Variants in WDR44 observed in about 807,000 individuals in gnomAD.
WDR44 encodes WD repeat domain 44.
A neutral mutation model predicts 65.7 loss-of-function variants in WDR44; 9 were observed. The ratio of observed to expected loss-of-function variants is 0.14; its 90% CI spans 0.08 to 0.24. WDR44 has a LOEUF of 0.24. Among genes scored for constraint, WDR44 ranks in the 10% least tolerant of loss-of-function variants. The pLI is 1.00. For synonymous variants in WDR44, 220 were observed against 235.2 expected (o/e 0.94, Z 0.59); for missense variants, 425 against 670.9 (o/e 0.63, Z 4.05).
chrX:118,370,958 C>T (rs2056610570), intron 1 of WDR44, among the ~76,000 whole-genome samples: 1 of 110,144 alleles, frequency 9.1e-6, no homozygotes, highest in South Asian at 3.9e-4. Context: ...GACTAACACA[C>T]CATACATCTG....
At chrX:118,378,838 A>G (rs1342094363) in intron 2 of WDR44, among the ~76,000 whole-genome samples, 1 of 103,108 alleles carries the variant, frequency 9.7e-6, no homozygotes, top group Non-Finnish European at 2.0e-5. Flanking sequence ...GTTTGACACC[A>G]GCCTGGCCAA....
At chrX:118,378,497 T>C (rs765655521) in intron 2 of WDR44, 45 bp downstream of exon 2, 10 of 1,119,151 alleles carry the variant, frequency 8.9e-6, no homozygotes, top group Non-Finnish European at 1.2e-5. Flanking sequence ...AATTGTATAC[T>C]TTTTATTCGT....
In WDR44 at chrX:118,373,350, A is replaced by T. The variant is rs1364981502; in HGVS notation, c.78-5069A>T. ...AAGAGTACTGAAACTGCAAGGTTTA[A>T]CCTACTCATGTACTTATTTACAAGC... is the stretch of plus-strand genomic sequence containing the variant. On this transcript the variant is annotated intron_variant, in intron 1 of 19. Transcript: ENST00000254029. 5.4e-5 allele frequency among the ~76,000 whole-genome samples: 6 copies of T among 111,527 alleles called. 1 individual carries two copies.
intron 16 of WDR44, 101 bp downstream of exon 16, chrX:118,442,446 C>A: frequency 1.1e-6 from 1 of 947,749 alleles, no homozygotes; most frequent in Non-Finnish European, 1.5e-6. Context: ...TTGTGGAATA[C>A]CGCTTTTCTT....
chrX:118,411,341 A>G (rs1340435191), intron 12 of WDR44, among the ~76,000 whole-genome samples: 1 of 112,067 alleles, frequency 8.9e-6, no homozygotes, highest in Non-Finnish European at 1.9e-5. Context: ...GGTTTAATAA[A>G]CACTTTATCA....
Position 118,438,797 on chromosome X carries a change from G to GTTTTTTTTTTT in WDR44, c.1974+1984_1974+1994dup, listed in dbSNP as rs1213083479. Among the ~76,000 whole-genome samples the GTTTTTTTTTTT allele has an allele frequency of 4.5e-4, 29 of 64,042 alleles. 1 individual carries two copies. Among genetic ancestry groups the GTTTTTTTTTTT allele is most frequent in the East Asian group, 1.3e-3 (2 of 1,589 alleles). The allele number at this position is 64,042 out of a possible 115,157, so 55.6% of individuals were successfully genotyped here. A position where few individuals can be genotyped will look rare whatever the true frequency, so the allele number is the denominator to read the frequency against. On this transcript the variant is annotated intron_variant, in intron 14 of 19. Transcript: ENST00000254029. ...TTTATTAAACTTTCTGTTCAGCCAT[G>GTTTTTTTTTTT]TTTTTTTTTTTTTTTTTTTTTGAAG...
At position 118,404,331 on chromosome X, in the gene WDR44, T is replaced by C; in HGVS notation, c.1275-7T>C. 1.7e-6 allele frequency: 2 copies of C among 1,179,094 alleles called. No individual in the cohort carries two copies. The highest frequency in any genetic ancestry group is 2.3e-6 in the Non-Finnish European group (2 of 873,805). ...ACTGAGTTGATACTTTTTTCATTTT[T>C]GTTAAGGACTCAACTAAAGAAGTTT... is the stretch of plus-strand genomic sequence containing the variant. On this transcript the variant is annotated splice_polypyrimidine_tract_variant and splice_region_variant and intron_variant, in intron 8 of 19. Coordinates refer to ENST00000254029, the MANE Select transcript of WDR44 (RefSeq NM_019045.5).
rs186142888 is a variant in WDR44 at position 118,381,207 on chromosome X, G to A, written c.111+2755G>A. ...AAAGAGATGGGGCGCAGTGGCTCACGCTTGTAATCCCAGCACTTTGGGAGG... is the reference window on the plus strand; with the variant it reads ...AAAGAGATGGGGCGCAGTGGCTCACACTTGTAATCCCAGCACTTTGGGAGG... On this transcript the variant is annotated intron_variant, in intron 2 of 19. Coordinates refer to ENST00000254029, the MANE Select transcript of WDR44 (RefSeq NM_019045.5). 9.4e-3 allele frequency among the ~76,000 whole-genome samples: 1,052 copies of A among 111,778 alleles called. 11 individuals are homozygous for A. The highest frequency in any genetic ancestry group is 0.012 in the Non-Finnish European group (656 of 53,145).
upstream of WDR44, chrX:118,346,091 G>T (rs2056345883): frequency 3.3e-6 from 1 of 299,446 alleles, no homozygotes; most frequent in Non-Finnish European, 5.8e-6. Flanking sequence ...AATCTCGCGA[G>T]GGTAGGTGCG....
chrX:118,356,001 T>TA (rs1247437664), intron 1 of WDR44, among the ~76,000 whole-genome samples: 2 of 112,090 alleles, frequency 1.8e-5, no homozygotes, highest in Admixed American at 9.4e-5. Flanking sequence ...AGTTCCTTGT[T>TA]ACCAACTTTT....
At chrX:118,390,982 C>G (rs2056815261) in intron 3 of WDR44, among the ~76,000 whole-genome samples, 1 of 111,571 alleles carries the variant, frequency 9.0e-6, no homozygotes. Flanking sequence ...TCCTGCTTTT[C>G]TAGGAGGGAG....
At chrX:118,444,323 A>G (rs763136222) in intron 18 of WDR44, 37 bp from the exon 19 acceptor site, 2 of 1,191,494 alleles carry the variant, frequency 1.7e-6, no homozygotes, top group South Asian at 1.8e-5. Flanking sequence ...CTTGGTATCC[A>G]ATTTGTCAGT....
chrX:118,395,181 G>A (rs192688372), intron 5 of WDR44, 68 bp from the exon 6 acceptor site: 18 of 927,418 alleles, frequency 1.9e-5, no homozygotes, highest in East Asian at 3.3e-5. Flanking sequence ...AGAATTATAT[G>A]TGGTAATAAT....
At chrX:118,365,552 C>T (rs956421494) in intron 1 of WDR44, among the ~76,000 whole-genome samples, 2 of 111,535 alleles carry the variant, frequency 1.8e-5, no homozygotes, top group African/African-American at 6.5e-5. Context: ...GGGGTCCTGT[C>T]AGCCAGTATA....
rs774313032 is a variant in WDR44 at position 118,398,052 on chromosome X, C to G, written c.1191-335C>G. ...AGGAGTTCGACACGAGCCTGGGCAA[C>G]ATGGTGAAACCCTGTCTCTACTAAA... On this transcript the variant is annotated intron_variant, in intron 7 of 19. Transcript: ENST00000254029. Among the ~76,000 whole-genome samples the G allele has an allele frequency of 1.4e-4, 16 of 111,288 alleles. No individual in the cohort carries two copies. In the South Asian group the frequency reaches 6.0e-3, roughly 42 times the overall value.
intron 1 of WDR44, among the ~76,000 whole-genome samples, chrX:118,374,031 T>C (rs1379371407): frequency 9.0e-6 from 1 of 110,563 alleles, no homozygotes; most frequent in Non-Finnish European, 1.9e-5. Context: ...AGTGGTTTGC[T>C]GCACCCATCA....
Position 118,398,294 on chromosome X carries a change from A to G in WDR44, c.1191-93A>G, listed in dbSNP as rs191997007. 1.6e-4 allele frequency: 101 copies of G among 625,145 alleles called. 1 individual carries two copies. The Admixed American group carries it at 3.1e-3, about 19-fold the overall frequency. The allele number at this position is 625,145 out of a possible 1,213,427, so 51.5% of individuals were successfully genotyped here. On this transcript the variant is annotated intron_variant, in intron 7 of 19. Coordinates refer to ENST00000254029, the MANE Select transcript of WDR44 (RefSeq NM_019045.5). ...AAAGCTTATTAGCGTAGTTTTTCTT[A>G]TTCTGATTAACTGGTTATATAGTAA...
At chrX:118,431,053 GGTA>G (rs766685791) in intron 12 of WDR44, among the ~76,000 whole-genome samples, 562 of 111,551 alleles carry the variant, frequency 5.0e-3, no homozygotes, top group Middle Eastern at 0.037. Flanking sequence ...GAATAATAGT[GGTA>G]GTTTTTAATC....
intron 1 of WDR44, among the ~76,000 whole-genome samples, chrX:118,356,247 T>C (rs1051217631): frequency 1.2e-4 from 13 of 111,965 alleles, no homozygotes; most frequent in Non-Finnish European, 2.4e-4. Flanking sequence ...ATGACCTTGC[T>C]TCTGAAAAAG....
Sources: gnomAD v4.1 joint callset for allele counts (sites outside exome capture counted in the v4.1 genomes callset) on GRCh38, gnomAD v4.1.1 for gene constraint, MANE v1.5 for transcripts, NCBI Gene and HGNC (gene_info 2026-07-23, HGNC 2026-07-21) for gene names.